The following XKR4 variants were observed in gnomAD, a reference collection of about 807,000 sequenced individuals.
XKR4 encodes the protein XK-related protein 4.
Under a neutral mutation model 53.9 loss-of-function variants are expected in XKR4, and 12 were observed. The observed-to-expected ratio is 0.22, with a 90% confidence interval of 0.14 to 0.36. The LOEUF is 0.36. Ranked by LOEUF, XKR4 falls within the 10% of genes least tolerant of loss-of-function variation. The pLI, the probability that XKR4 is intolerant of heterozygous loss-of-function variation, is 1.00. For missense variants in XKR4, 799 were observed against 859.5 expected, an observed-to-expected ratio of 0.93 and a Z score of 0.88; for synonymous variants, 354 against 362.4, an observed-to-expected ratio of 0.98 and a Z score of 0.26.
intron 1 of XKR4, among the ~76,000 whole-genome samples, chr8:55,256,592 G>A: frequency 6.6e-6 from 1 of 152,202 alleles, no homozygotes; most frequent in East Asian, 1.9e-4. Context: ...ATGACTAGAT[G>A]TAAGGGTATT....
In XKR4 at chr8:55,194,242, G is replaced by A. The variant is rs569400868; in HGVS notation, c.806+90948G>A. On this transcript the variant is annotated intron_variant, in intron 1 of 2. Transcript: ENST00000327381. The stretch of plus-strand genomic sequence containing the variant: ...TGGCGCTGCCAGCAACCACTGAAAT[G>A]ATATGTCTTTTAGCCATGGAGACGT... 5.9e-5 allele frequency among the ~76,000 whole-genome samples: 9 copies of A among 152,330 alleles called. 1 individual carries two copies. The highest frequency in any genetic ancestry group is 2.2e-4 in the African/African-American group (9 of 41,578).
chr8:55,427,861 G>A (rs1805039992), intron 2 of XKR4, among the ~76,000 whole-genome samples: 1 of 152,154 alleles, frequency 6.6e-6, no homozygotes, highest in Non-Finnish European at 1.5e-5. Context: ...AAAAGAGGCA[G>A]ACACCACTCT....
chr8:55,320,948 A>T (rs1803202616), intron 1 of XKR4, among the ~76,000 whole-genome samples: 1 of 151,968 alleles, frequency 6.6e-6, no homozygotes, highest in South Asian at 2.1e-4. Context: ...TCTTTCCTTC[A>T]CTTAACTCTT....
chr8:55,453,013 C>A lies in XKR4; in HGVS notation c.1007-70268C>A, dbSNP rs377078858. ...CACTGCTCAGAAGCCACTTCTAGGGCAGAGTGCTCTCTCATCCTCCTGGGA... is the reference window on the plus strand; with the variant it reads ...CACTGCTCAGAAGCCACTTCTAGGGAAGAGTGCTCTCTCATCCTCCTGGGA... On this transcript the variant is annotated intron_variant, in intron 2 of 2. Transcript: ENST00000327381. The A allele has an allele frequency of 2.7e-5, 18 of 664,018 alleles. No individual in the cohort carries two copies. The African/African-American group carries it at 2.8e-4, about 10-fold the overall frequency. 41.1% of individuals were successfully genotyped at this position (664,018 alleles called of 1,614,324 possible).
intron 1 of XKR4, among the ~76,000 whole-genome samples, chr8:55,159,577 A>G (rs142100518): frequency 1.4e-4 from 21 of 152,326 alleles, no homozygotes; most frequent in African/African-American, 4.3e-4. Flanking sequence ...TTTAAAGGGA[A>G]TGATGAAAAA....
intron 2 of XKR4, among the ~76,000 whole-genome samples, chr8:55,391,751 T>A (rs1804445749): frequency 1.3e-5 from 2 of 152,172 alleles, no homozygotes; most frequent in African/African-American, 4.8e-5. Flanking sequence ...CCTAAAATAT[T>A]AAAATAAGCA....
At chr8:55,153,205 G>A (rs539678894) in intron 1 of XKR4, among the ~76,000 whole-genome samples, 1 of 152,180 alleles carries the variant, frequency 6.6e-6, no homozygotes, top group South Asian at 2.1e-4. Flanking sequence ...AAAATTGGAC[G>A]AGTTGTTTGT....
In XKR4 at chr8:55,538,473, C is replaced by A. The variant is rs1062944; in HGVS notation, c.*14246C>A. ...CAGAGAATACAATGGTTCTTCATCA[C>A]TATATAAAACTAACACTTTTCCTTC... On this transcript the variant is annotated 3_prime_UTR_variant, in exon 3 of 3. Transcript: ENST00000327381. The A allele has an allele frequency of 2.6e-5, 4 of 152,058 alleles. No homozygotes were observed. The highest frequency in any genetic ancestry group is 2.6e-4 in the Admixed American group (4 of 15,272). 9.4% of individuals were successfully genotyped at this position (152,058 alleles called of 1,614,324 possible). A position where few individuals can be genotyped will look rare whatever the true frequency, so the allele number is the denominator to read the frequency against.
At chr8:55,440,879 C>T (rs977478378) in intron 2 of XKR4, among the ~76,000 whole-genome samples, 1 of 151,688 alleles carries the variant, frequency 6.6e-6, no homozygotes, top group Non-Finnish European at 1.5e-5. Flanking sequence ...AAAAAGATAG[C>T]TGGTACAATT....
intron 2 of XKR4, among the ~76,000 whole-genome samples, chr8:55,358,604 G>A (rs1803854623): frequency 6.6e-6 from 1 of 152,202 alleles, no homozygotes; most frequent in Non-Finnish European, 1.5e-5. Flanking sequence ...GCAGCAAGAA[G>A]ATTAGACAGA....
rs745683937 is a variant in XKR4, at chr8:55,523,845, C to T, written c.1571C>T (p.Pro524Leu). 2.3e-5 allele frequency: 37 copies of T among 1,614,056 alleles called. No individual in the cohort carries two copies. Among genetic ancestry groups the T allele is most frequent in the East Asian group, 4.5e-5 (2 of 44,888 alleles). Reference sequence around the variant, plus strand: ...AATGGACCCAGATTCGGGCAGTCACCAAGTTGTGCTTGTGAGGACCCAGCC... The same window carrying T: ...AATGGACCCAGATTCGGGCAGTCACTAAGTTGTGCTTGTGAGGACCCAGCC... ...HPNGPRFGQS[P>L]SCACEDPAAA... The change falls in exon 3 of 3, where the codon CCA (proline) becomes CTA (leucine). Residue 524 changes from proline (P) to leucine (L), a missense_variant. Transcript: ENST00000327381.
intron 2 of XKR4, among the ~76,000 whole-genome samples, chr8:55,479,297 C>G (rs1365949898): frequency 2.6e-5 from 4 of 152,090 alleles, no homozygotes; most frequent in Non-Finnish European, 5.9e-5. Context: ...TCCTGAATGA[C>G]TTCTGGGTAC....
chr8:55,363,158 TA>T (rs1803927697), intron 2 of XKR4, among the ~76,000 whole-genome samples: 1 of 152,168 alleles, frequency 6.6e-6, no homozygotes, highest in South Asian at 2.1e-4. Context: ...ACCTTATCAC[TA>T]ATGGAAAATC....
intron 2 of XKR4, among the ~76,000 whole-genome samples, chr8:55,433,216 G>T (rs1679700712): frequency 6.6e-6 from 1 of 152,034 alleles, no homozygotes; most frequent in Non-Finnish European, 1.5e-5. Flanking sequence ...AAATGCAATT[G>T]GTTTATAATT....
intron 2 of XKR4, among the ~76,000 whole-genome samples, chr8:55,494,713 GT>G (rs988803146): frequency 6.6e-6 from 1 of 152,124 alleles, no homozygotes; most frequent in Non-Finnish European, 1.5e-5. Context: ...TCTATAGCTG[GT>G]TGTCTGTCCT....
chr8:55,127,046 T>C (rs1816476827), intron 1 of XKR4, among the ~76,000 whole-genome samples: 1 of 152,092 alleles, frequency 6.6e-6, no homozygotes, highest in South Asian at 2.1e-4. Context: ...ACATAGCAAG[T>C]GATGAGTCCT....
intron 1 of XKR4, among the ~76,000 whole-genome samples, chr8:55,129,329 C>A (rs1202295819): frequency 6.6e-6 from 1 of 152,198 alleles, no homozygotes; most frequent in African/African-American, 2.4e-5. Context: ...GAAAAAAATT[C>A]TCCTATCCGT....
intron 1 of XKR4, among the ~76,000 whole-genome samples, chr8:55,318,742 A>G (rs1440781135): frequency 6.6e-6 from 1 of 152,246 alleles, no homozygotes; most frequent in East Asian, 1.9e-4. Flanking sequence ...CACGCAGAAC[A>G]TTAGAAACAA....
At position 55,399,832 on chromosome 8, in the gene XKR4, G is replaced by A. The variant is rs546043777; in HGVS notation, c.1006+41955G>A. On this transcript the variant is annotated intron_variant, in intron 2 of 2. Coordinates refer to ENST00000327381, the MANE Select transcript of XKR4 (RefSeq NM_052898.2). ...AGGGGAGTGGTCAGAAGTAGGCACG[G>A]GAGTCCATCGTGGAGACTTGGTGAG... Among the ~76,000 whole-genome samples, 2 of 152,280 alleles carry A rather than the reference G, an allele frequency of 1.3e-5. 1 individual carries two copies. Among genetic ancestry groups the A allele is most frequent in the African/African-American group, 4.8e-5 (2 of 41,564 alleles).
Sources: gnomAD v4.1 joint callset for allele counts (sites outside exome capture counted in the v4.1 genomes callset) on GRCh38, gnomAD v4.1.1 for gene constraint, MANE v1.5 for transcripts, NCBI Gene and HGNC (gene_info 2026-07-23, HGNC 2026-07-21) for gene names.